Variants in CSGALNACT1 observed in about 807,000 individuals in gnomAD.
CSGALNACT1 encodes chondroitin sulfate N-acetylgalactosaminyltransferase 1, also known as beta4GalNAcT-1.
Under a neutral mutation model 51.0 loss-of-function variants are expected in CSGALNACT1, and 52 were observed. The observed-to-expected ratio is 1.02, with a 90% CI of 0.82 to 1.29. The LOEUF (loss-of-function observed/expected upper bound fraction) is 1.29, where lower values mean the gene tolerates loss of function less well. Ranked by LOEUF, CSGALNACT1 falls within the 50% of genes most tolerant of loss-of-function variation. The pLI is 0.00. For synonymous variants in CSGALNACT1, 341 were observed against 254.4 expected (o/e 1.34, Z -3.24); for missense variants, 935 against 679.2 (o/e 1.38, Z -4.19).
chr8:19,575,134 T>C (rs928427635), intron 3 of CSGALNACT1, among the ~76,000 whole-genome samples: 3 of 152,214 alleles, frequency 2.0e-5, no homozygotes, highest in African/African-American at 7.2e-5. Context: ...ACACAGTTAT[T>C]GAATTTGGAT....
intron 3 of CSGALNACT1, among the ~76,000 whole-genome samples, chr8:19,570,273 C>A (rs781326301): frequency 6.6e-6 from 1 of 152,072 alleles, no homozygotes; most frequent in African/African-American, 2.4e-5. Context: ...GCTTAATATT[C>A]GTTTTAATCA....
At chr8:19,491,572 G>C (rs989280058) in intron 4 of CSGALNACT1, among the ~76,000 whole-genome samples, 2 of 152,062 alleles carry the variant, frequency 1.3e-5, no homozygotes, top group African/African-American at 4.8e-5. Context: ...ACTTTATTAG[G>C]TAAGAAAAAG....
chr8:19,410,536 T>C (rs2055435429), intron 8 of CSGALNACT1, among the ~76,000 whole-genome samples: 1 of 152,064 alleles, frequency 6.6e-6, no homozygotes, highest in South Asian at 2.1e-4. Context: ...TCACATGGAA[T>C]TTAAAAAGGA....
intron 1 of CSGALNACT1, among the ~76,000 whole-genome samples, chr8:19,618,133 C>A (rs2053290798): frequency 6.6e-6 from 1 of 152,036 alleles, no homozygotes; most frequent in African/African-American, 2.4e-5. Context: ...TCTGCCTCAC[C>A]CCCCCGACAA....
chr8:19,656,852 G>C lies in CSGALNACT1; in HGVS notation c.-544+25621C>G, dbSNP rs1173300843. On this transcript the variant is annotated intron_variant, in intron 1 of 9. Coordinates refer to the CSGALNACT1 transcript ENST00000332246. ...GGAGGCCAAGGCGCGTGGATCACAA[G>C]GTCAGGAGTTCCAGACCAGCCTGGC... is the stretch of plus-strand genomic sequence containing the variant. Among the ~76,000 whole-genome samples, 5 of 152,074 alleles carry C rather than the reference G, an allele frequency of 3.3e-5. No individual in the cohort carries two copies. In the East Asian group the frequency reaches 7.7e-4, roughly 23 times the overall value.
At chr8:19,625,839 T>G (rs2154165934) in intron 1 of CSGALNACT1, among the ~76,000 whole-genome samples, 1 of 152,300 alleles carries the variant, frequency 6.6e-6, no homozygotes, top group South Asian at 2.1e-4. Flanking sequence ...TGGGTAATCT[T>G]GGGCAAGTCA....
At chr8:19,691,217 G>A (rs767191853) in intron 1 of CSGALNACT1, among the ~76,000 whole-genome samples, 1 of 152,176 alleles carries the variant, frequency 6.6e-6, no homozygotes, top group Non-Finnish European at 1.5e-5. Context: ...TAATGCTCCA[G>A]GCAGCAGGTG....
At chr8:19,498,035 C>G (rs1006543508) in intron 4 of CSGALNACT1, among the ~76,000 whole-genome samples, 1 of 152,202 alleles carries the variant, frequency 6.6e-6, no homozygotes, top group African/African-American at 2.4e-5. Context: ...TAAAGCCAAA[C>G]TGTGCCCTGA....
At chr8:19,522,010 T>C (rs2080826233) in intron 3 of CSGALNACT1, among the ~76,000 whole-genome samples, 1 of 152,200 alleles carries the variant, frequency 6.6e-6, no homozygotes, top group African/African-American at 2.4e-5. Context: ...GTGGTTGACA[T>C]TACAGGCTCT....
In CSGALNACT1 at chr8:19,457,847, G is replaced by T. The variant is rs775087281; in HGVS notation, c.851+579C>A. On this transcript the variant is annotated intron_variant, in intron 5 of 9. Coordinates refer to ENST00000454498, the Ensembl canonical transcript of CSGALNACT1. The stretch of plus-strand genomic sequence containing the variant: ...AAATGAAACCCAGCTTAGTCTCATT[G>T]AGTAGCTACAAAAATGTGGGCTTGA... 1.5e-5 allele frequency: 20 copies of T among 1,332,784 alleles called. No individual in the cohort carries two copies. In the Admixed American group the frequency reaches 1.9e-4, roughly 13 times the overall value. The allele number at this position is 1,332,784 out of a possible 1,614,324, so 82.6% of individuals were successfully genotyped here. A position where few individuals can be genotyped will look rare whatever the true frequency, so the allele number is the denominator to read the frequency against.
At chr8:19,481,589 C>T (rs1318458499) in intron 4 of CSGALNACT1, among the ~76,000 whole-genome samples, 1 of 152,154 alleles carries the variant, frequency 6.6e-6, no homozygotes, top group Admixed American at 6.6e-5. Flanking sequence ...CCTAGAACCA[C>T]CCTGTGAAAA....
At chr8:19,708,489 A>C (rs1025947502) in intron 1 of CSGALNACT1, among the ~76,000 whole-genome samples, 4 of 152,232 alleles carry the variant, frequency 2.6e-5, no homozygotes, top group Non-Finnish European at 2.9e-5. Context: ...TGTCCTCACA[A>C]GCCAACCAAG....
chr8:19,443,170 A>G (rs925136094), intron 5 of CSGALNACT1, among the ~76,000 whole-genome samples: 1 of 152,178 alleles, frequency 6.6e-6, no homozygotes, highest in African/African-American at 2.4e-5. Flanking sequence ...TCCTCTCAAG[A>G]GAAAGCAGTG....
chr8:19,455,518 A>T (rs1016191109), intron 5 of CSGALNACT1, among the ~76,000 whole-genome samples: 1 of 152,170 alleles, frequency 6.6e-6, no homozygotes, highest in African/African-American at 2.4e-5. Flanking sequence ...TTGGTGTGAA[A>T]TAAGAATCAC....
At chr8:19,671,693 C>T (rs73216603) in intron 1 of CSGALNACT1, among the ~76,000 whole-genome samples, 3,031 of 152,088 alleles carry the variant, frequency 0.02, 47 homozygotes, top group South Asian at 0.047. Context: ...GTAGTAGGGA[C>T]GAAGTAAAGA....
At chr8:19,444,127 C>G (rs936702482) in intron 5 of CSGALNACT1, among the ~76,000 whole-genome samples, 12 of 152,308 alleles carry the variant, frequency 7.9e-5, no homozygotes, top group Non-Finnish European at 1.8e-4. Context: ...AGGCCACAGA[C>G]CAGTAATGGT....
intron 3 of CSGALNACT1, among the ~76,000 whole-genome samples, chr8:19,581,684 C>G (rs1484988446): frequency 1.3e-5 from 2 of 152,172 alleles, no homozygotes; most frequent in Non-Finnish European, 2.9e-5. Flanking sequence ...GCTTCTCTAA[C>G]TCCTAGAATG....
intron 4 of CSGALNACT1, among the ~76,000 whole-genome samples, chr8:19,462,809 TTTTC>T (rs2065837566): frequency 6.6e-6 from 1 of 151,554 alleles, no homozygotes; most frequent in African/African-American, 2.4e-5. Flanking sequence ...ATTTCATCAG[TTTTC>T]TTTTTTTTTT....
intron 3 of CSGALNACT1, among the ~76,000 whole-genome samples, chr8:19,517,136 C>T (rs1483627596): frequency 6.6e-6 from 1 of 152,106 alleles, no homozygotes; most frequent in Non-Finnish European, 1.5e-5. Flanking sequence ...AAGAAATGTT[C>T]TTTGAAAGAA....
Sources: gnomAD v4.1 joint callset for allele counts (sites outside exome capture counted in the v4.1 genomes callset) on GRCh38, gnomAD v4.1.1 for gene constraint, MANE v1.5 for transcripts, NCBI Gene and HGNC (gene_info 2026-07-23, HGNC 2026-07-21) for gene names.